Variants in BANK1 observed in about 807,000 individuals in gnomAD.
BANK1 encodes B-cell scaffold protein with ankyrin repeats.
A neutral mutation model predicts 94.5 loss-of-function variants in BANK1; 95 were observed. The observed-to-expected ratio is 1.00, with a 90% CI of 0.85 to 1.19. The LOEUF (loss-of-function observed/expected upper bound fraction) is 1.19. Among genes scored for constraint, BANK1 ranks in the 50% most tolerant of loss-of-function variants. The pLI is 0.00. For missense variants in BANK1, 987 were observed against 932.2 expected (o/e 1.06, Z -0.77); for synonymous variants, 334 against 308.4 (o/e 1.08, Z -0.87).
At chr4:101,981,717 T>G (rs1725330006) in intron 7 of BANK1, 1 of 152,032 alleles carries the variant, frequency 6.6e-6, no homozygotes, top group Admixed American at 6.6e-5. Flanking sequence ...TCTTCATCAT[T>G]TTTTCTTTCT....
chr4:101,819,976 C>T (rs1726077819), intron 1 of BANK1, among the ~76,000 whole-genome samples: 1 of 151,152 alleles, frequency 6.6e-6, no homozygotes, highest in South Asian at 2.1e-4. Context: ...AAGAGTGCCA[C>T]AAAGCCTAAA....
At chr4:102,005,413 T>C (rs1443412432) in intron 7 of BANK1, among the ~76,000 whole-genome samples, 1 of 152,096 alleles carries the variant, frequency 6.6e-6, no homozygotes, top group Non-Finnish European at 1.5e-5. Context: ...TAAGAAGTGG[T>C]TATGGATATG....
intron 1 of BANK1, among the ~76,000 whole-genome samples, chr4:101,819,467 A>T (rs962040565): frequency 6.6e-6 from 1 of 152,190 alleles, no homozygotes; most frequent in Non-Finnish European, 1.5e-5. Context: ...GTTTATAAAG[A>T]TGATATAGAA....
At chr4:101,818,568 C>T (rs1726010499) in intron 1 of BANK1, among the ~76,000 whole-genome samples, 1 of 152,014 alleles carries the variant, frequency 6.6e-6, no homozygotes, top group Non-Finnish European at 1.5e-5. Context: ...GTTTTGCTTC[C>T]TGTGGTTTTA....
At position 102,052,405 on chromosome 4, in the gene BANK1, C is replaced by A. The variant is rs114317039; in HGVS notation, c.1970-7806C>A. The stretch of plus-strand genomic sequence containing the variant: ...TGCTGGGATTACAGGCATGAGCCAC[C>A]ACGCCAGAAGGATTAAAGATGAGAA... On this transcript the variant is annotated intron_variant, in intron 11 of 16. Transcript: ENST00000322953. Among the ~76,000 whole-genome samples the A allele has an allele frequency of 3.5e-3, 527 of 152,164 alleles. 2 individuals carry two copies. Among genetic ancestry groups the A allele is most frequent in the Middle Eastern group, 0.01 (3 of 294 alleles).
At chr4:101,872,692 T>G (rs1338577587) in intron 5 of BANK1, among the ~76,000 whole-genome samples, 1 of 152,098 alleles carries the variant, frequency 6.6e-6, no homozygotes, top group Non-Finnish European at 1.5e-5. Context: ...TATATATATT[T>G]AACAAATTTT....
chr4:101,903,202 A>T (rs1180849628), intron 6 of BANK1, among the ~76,000 whole-genome samples: 3 of 152,202 alleles, frequency 2.0e-5, no homozygotes, highest in African/African-American at 4.8e-5. Flanking sequence ...TAGTTATTTT[A>T]GGGAGAATCC....
intron 2 of BANK1, among the ~76,000 whole-genome samples, chr4:101,842,525 G>A (rs559246186): frequency 2.0e-5 from 3 of 152,240 alleles, no homozygotes; most frequent in South Asian, 4.1e-4. Flanking sequence ...CTGGAATGTG[G>A]ACCAAATACT....
In BANK1 at chr4:101,817,949, G is replaced by C. The variant is rs145668039; in HGVS notation, c.71-11859G>C. ...GGAAGTCAAAAGATTGGATACCCCT[G>C]CTATACCATTGGCTGTCTAGAAAGA... On this transcript the variant is annotated intron_variant, in intron 1 of 16. Coordinates refer to ENST00000322953, the MANE Select transcript of BANK1 (RefSeq NM_017935.5). 3.3e-3 allele frequency among the ~76,000 whole-genome samples: 500 copies of C among 151,854 alleles called. 3 individuals are homozygous for C. The highest frequency in any genetic ancestry group is 0.011 in the African/African-American group (475 of 41,364).
Position 101,813,188 on chromosome 4 carries a change from C to T in BANK1, c.71-16620C>T, listed in dbSNP as rs143792520. Reference sequence around the variant, plus strand: ...AATGTTAAATATTGTGTTCTTTGTCCGTAAATAGATGATTTGGCCCTCATC... The same window carrying T: ...AATGTTAAATATTGTGTTCTTTGTCTGTAAATAGATGATTTGGCCCTCATC... On this transcript the variant is annotated intron_variant, in intron 1 of 16. Coordinates refer to ENST00000322953, the MANE Select transcript of BANK1 (RefSeq NM_017935.5). 6.4e-3 allele frequency among the ~76,000 whole-genome samples: 977 copies of T among 151,914 alleles called. 16 individuals are homozygous for T. The highest frequency in any genetic ancestry group is 0.021 in the African/African-American group (889 of 41,454).
At chr4:101,914,815 A>G (rs1422147487) in intron 6 of BANK1, among the ~76,000 whole-genome samples, 2 of 152,170 alleles carry the variant, frequency 1.3e-5, no homozygotes, top group Non-Finnish European at 2.9e-5. Flanking sequence ...GCTTAGAAAT[A>G]CTACACAGCA....
chr4:102,007,824 C>T (rs889446281), intron 7 of BANK1, among the ~76,000 whole-genome samples: 87 of 152,188 alleles, frequency 5.7e-4, no homozygotes, highest in Middle Eastern at 3.4e-3. Context: ...TGAACTGTAT[C>T]ACACAATTTT....
chr4:101,996,028 A>AT (rs1725867498), intron 7 of BANK1, among the ~76,000 whole-genome samples: 2 of 152,004 alleles, frequency 1.3e-5, no homozygotes, highest in Non-Finnish European at 2.9e-5. Context: ...GCCCATACCT[A>AT]TGTCCTGCAG....
intron 7 of BANK1, among the ~76,000 whole-genome samples, chr4:101,983,875 C>A (rs1725400120): frequency 6.6e-6 from 1 of 151,922 alleles, no homozygotes; most frequent in Non-Finnish European, 1.5e-5. Context: ...TATTGGATAG[C>A]ATTAATGCTT....
intron 7 of BANK1, among the ~76,000 whole-genome samples, chr4:101,992,940 C>A (rs947730142): frequency 1.3e-5 from 2 of 152,174 alleles, no homozygotes; most frequent in African/African-American, 4.8e-5. Context: ...TCAGGACTTT[C>A]AGAGCTAAAA....
intron 6 of BANK1, among the ~76,000 whole-genome samples, chr4:101,916,681 A>G (rs978983059): frequency 6.6e-6 from 1 of 152,074 alleles, no homozygotes; most frequent in Non-Finnish European, 1.5e-5. Flanking sequence ...AACAAGTGAC[A>G]TTGGACTTCT....
chr4:101,909,067 T>A (rs753299498), intron 6 of BANK1, among the ~76,000 whole-genome samples: 41 of 152,160 alleles, frequency 2.7e-4, no homozygotes, highest in Non-Finnish European at 5.6e-4. Context: ...GTGTATACCC[T>A]AAGGATTATA....
Position 102,060,214 on chromosome 4 carries a change from G to C in BANK1, c.1973G>C (p.Arg658Thr). Residue 658 changes from arginine to threonine, a missense_variant, in exon 12 of 17, where the codon AGA becomes ACA. Arg to Thr is a moderately conservative substitution (Grantham distance 71). Coordinates refer to ENST00000322953, the MANE Select transcript of BANK1 (RefSeq NM_017935.5). ...KFCGLPKKQD[R>T]ARIESPAFST... is the part of the protein sequence containing the mutation. ...GCACCCTCCCCTTGTATTTTAGACA[G>C]AGCTCGGATAGAGAGTCCAGCCTTT... 1 of 1,569,230 alleles carries C rather than the reference G, an allele frequency of 6.4e-7. No individual in the cohort carries two copies.
intron 7 of BANK1, among the ~76,000 whole-genome samples, chr4:102,018,016 T>C (rs1308693587): frequency 6.6e-6 from 1 of 152,182 alleles, no homozygotes; most frequent in Non-Finnish European, 1.5e-5. Context: ...TGAATGTGCT[T>C]TTAGGTCATA....
Sources: allele counts gnomAD v4.1 joint callset (sites outside exome capture counted in the v4.1 genomes callset), GRCh38; gene constraint gnomAD v4.1.1; transcripts MANE v1.5; gene names NCBI Gene and HGNC (gene_info 2026-07-23, HGNC 2026-07-21).